Variants in KCNQ2 observed in about 807,000 individuals in gnomAD.
KCNQ2 encodes potassium voltage-gated channel subfamily KQT member 2.
KCNQ2 carries 14 observed loss-of-function variants against 84.8 expected under a neutral mutation model. The ratio of observed to expected loss-of-function variants is 0.17; its 90% CI spans 0.11 to 0.26. The LOEUF (loss-of-function observed/expected upper bound fraction) is 0.26, where lower values mean the gene tolerates loss of function less well. KCNQ2 is among the 10% of genes least tolerant of loss of function. The probability of loss-of-function intolerance (pLI) is 1.00; values close to 1 mark genes in which losing one functional copy is unlikely to be tolerated. For synonymous variants in KCNQ2, 599 were observed against 554.1 expected (o/e 1.08, Z -1.14); for missense variants, 788 against 1,254.0 (o/e 0.63, Z 5.61).
At position 63,444,849 on chromosome 20, in the gene KCNQ2, T is replaced by C. The variant is rs778229459; in HGVS notation, c.515-15A>G. 32 of 1,576,014 alleles carry C rather than the reference T, an allele frequency of 2.0e-5. No homozygotes were observed. The highest frequency in any genetic ancestry group is 2.7e-5 in the Non-Finnish European group (31 of 1,156,108). On this transcript the variant is annotated splice_polypyrimidine_tract_variant and intron_variant, in intron 3 of 16. Transcript: ENST00000359125. ...CACCATGATGTCTACAAAGCGGGCG[T>C]GGAGCTGGTGAGCTGCTGGGCCGCT...
At chr20:63,417,990 G>A (rs1601585536) in intron 12 of KCNQ2, among the ~76,000 whole-genome samples, 3 of 152,152 alleles carry the variant, frequency 2.0e-5, no homozygotes, top group African/African-American at 4.8e-5. Context: ...TCAGATCTGC[G>A]AGGGAGGCTC....
In KCNQ2 at chr20:63,419,614, G is replaced by A. The variant is rs200872349; in HGVS notation, c.1301+5C>T. 2.4e-5 allele frequency: 38 copies of A among 1,609,060 alleles called. No individual in the cohort carries two copies. The highest frequency in any genetic ancestry group is 2.2e-4 in the East Asian group (10 of 44,678). ...CGTCAGTCCGTGCGGCGTGTTCCGC[G>A]GTACCTAGAGCGTCCGGGGCAGCAT... On this transcript the variant is annotated splice_donor_5th_base_variant and intron_variant, in intron 12 of 16. Coordinates refer to ENST00000359125, the MANE Select transcript of KCNQ2 (RefSeq NM_172107.4).
rs2079802481 is a variant in KCNQ2, at chr20:63,401,229, C to T, written c.*5415G>A. Reference sequence around the variant, plus strand: ...CCCTCCATCCCAAATGGTCCCCTCCCGTCTCTCCTCCTCCACCGTTGCCCA... The same window carrying T: ...CCCTCCATCCCAAATGGTCCCCTCCTGTCTCTCCTCCTCCACCGTTGCCCA... On this transcript the variant is annotated 3_prime_UTR_variant, in exon 17 of 17. Coordinates refer to ENST00000359125, the MANE Select transcript of KCNQ2 (RefSeq NM_172107.4). 9.9e-6 allele frequency: 2 copies of T among 201,684 alleles called. No individual in the cohort carries two copies. The highest frequency in any genetic ancestry group is 1.9e-4 in the South Asian group (1 of 5,232). The allele number at this position is 201,684 out of a possible 1,614,324, so 12.5% of individuals were successfully genotyped here. A position where few individuals can be genotyped will look rare whatever the true frequency, so the allele number is the denominator to read the frequency against.
At chr20:63,461,773 T>TGCACCC in intron 1 of KCNQ2, among the ~76,000 whole-genome samples, 2 of 121,054 alleles carry the variant, frequency 1.7e-5, no homozygotes, top group South Asian at 7.0e-4. Flanking sequence ...AGGCTGCACC[T>TGCACCC]ACCCCAGGGA....
At chr20:63,418,124 C>T (rs1459074763) in intron 12 of KCNQ2, among the ~76,000 whole-genome samples, 1 of 152,242 alleles carries the variant, frequency 6.6e-6, no homozygotes, top group Non-Finnish European at 1.5e-5. Flanking sequence ...ACACCCGACC[C>T]CGCCAGCCTG....
In KCNQ2 at chr20:63,401,802, C is replaced by G; in HGVS notation, c.*4842G>C. 5.0e-6 allele frequency: 1 copy of G among 201,448 alleles called. No homozygotes were observed. Among genetic ancestry groups the G allele is most frequent in the Non-Finnish European group, 1.0e-5 (1 of 97,626 alleles). 12.5% of individuals were successfully genotyped at this position (201,448 alleles called of 1,614,324 possible). A position where few individuals can be genotyped will look rare whatever the true frequency, so the allele number is the denominator to read the frequency against. On this transcript the variant is annotated 3_prime_UTR_variant, in exon 17 of 17. Transcript: ENST00000359125. ...GGCACCCTCCACAGCAGGTCCAAGCCTCGTGAGCTGTCCCTCTCACACCAC... is the reference window on the plus strand; with the variant it reads ...GGCACCCTCCACAGCAGGTCCAAGCGTCGTGAGCTGTCCCTCTCACACCAC...
chr20:63,414,829 GGTGGCCACAGTAGC>G lies in KCNQ2; in HGVS notation c.1525+60_1525+73del, dbSNP rs2080233565. On this transcript the variant is annotated intron_variant, in intron 13 of 16. Transcript: ENST00000359125. The surrounding 1 kb of genome is among the most constrained non-coding windows in gnomAD (Gnocchi z 6.6). The stretch of plus-strand genomic sequence containing the variant: ...AGCAAAAGCAGCTGCGACGCCACAG[GGTGGCCACAGTAGC>G]GTGGCCACCACATCCATCCCCGGAG... The G allele has an allele frequency of 6.9e-7, 1 of 1,443,884 alleles. No individual in the cohort carries two copies. The highest frequency in any genetic ancestry group is 1.4e-5 in the African/African-American group (1 of 71,478). 89.4% of individuals were successfully genotyped at this position (1,443,884 alleles called of 1,614,324 possible).
At position 63,402,173 on chromosome 20, in the gene KCNQ2, A is replaced by G. The variant is rs1347400776; in HGVS notation, c.*4471T>C. 7.0e-6 allele frequency: 1 copy of G among 142,146 alleles called. No individual in the cohort carries two copies. Among genetic ancestry groups the G allele is most frequent in the Non-Finnish European group, 1.5e-5 (1 of 68,282 alleles). 8.8% of individuals were successfully genotyped at this position (142,146 alleles called of 1,614,324 possible). A position where few individuals can be genotyped will look rare whatever the true frequency, so the allele number is the denominator to read the frequency against. Reference sequence around the variant, plus strand: ...TCTCGTGAGCCGTTCCTCTCACACCACGTCTGCTGGGCACCCTCCACAGCA... The same window carrying G: ...TCTCGTGAGCCGTTCCTCTCACACCGCGTCTGCTGGGCACCCTCCACAGCA... On this transcript the variant is annotated 3_prime_UTR_variant, in exon 17 of 17. Transcript: ENST00000359125.
chr20:63,434,023 G>A, intron 7 of KCNQ2, 120 bp from the exon 8 acceptor site: 1 of 793,938 alleles, frequency 1.3e-6, no homozygotes, highest in South Asian at 1.6e-5. Context: ...AGGCACTCAG[G>A]ACTCTGGGCC....
rs1012655445 is a variant in KCNQ2 at position 63,406,397 on chromosome 20, C to T, written c.*247G>A. Reference sequence around the variant, plus strand: ...GAGCAGAGTGGACAGGGCAGCCTTGCTCCTGCACGCTGCTCCTGGAGCCAC... The same window carrying T: ...GAGCAGAGTGGACAGGGCAGCCTTGTTCCTGCACGCTGCTCCTGGAGCCAC... On this transcript the variant is annotated 3_prime_UTR_variant, in exon 17 of 17. Coordinates refer to ENST00000359125, the MANE Select transcript of KCNQ2 (RefSeq NM_172107.4). 1.8e-6 allele frequency: 1 copy of T among 555,946 alleles called. No individual in the cohort carries two copies. Among genetic ancestry groups the T allele is most frequent in the Admixed American group, 3.1e-5 (1 of 31,772 alleles). The allele number at this position is 555,946 out of a possible 1,614,324, so 34.4% of individuals were successfully genotyped here.
rs938765994 is a variant in KCNQ2, at chr20:63,433,375, C to G, written c.1118+434G>C. ...GATCCGGGGTTACTTTCCTGCCCCC[C>G]ACGCCGGAGCCCTAGGTCCTTGATG... On this transcript the variant is annotated intron_variant, in intron 8 of 16. Coordinates refer to ENST00000359125, the MANE Select transcript of KCNQ2 (RefSeq NM_172107.4). 4 of 279,996 alleles carry G rather than the reference C, an allele frequency of 1.4e-5. No homozygotes were observed. The South Asian group carries it at 1.6e-4, about 11-fold the overall frequency. The allele number at this position is 279,996 out of a possible 1,614,324, so 17.3% of individuals were successfully genotyped here.
intron 10 of KCNQ2, among the ~76,000 whole-genome samples, chr20:63,426,361 C>T (rs1264268512): frequency 6.6e-6 from 1 of 152,216 alleles, no homozygotes; most frequent in Admixed American, 6.5e-5. Context: ...GGCTGTCTGG[C>T]CACACCTGTG....
intron 1 of KCNQ2, among the ~76,000 whole-genome samples, chr20:63,458,796 C>T (rs1407680483): frequency 3.3e-5 from 5 of 152,222 alleles, no homozygotes; most frequent in African/African-American, 1.2e-4. Context: ...CCCAGGCTGG[C>T]AGCTAGGCCT....
rs769610871 is a variant in KCNQ2 at position 63,414,862 on chromosome 20, C to T, written c.1525+41G>A. 1.6e-5 allele frequency: 26 copies of T among 1,596,808 alleles called. No homozygotes were observed. The South Asian group carries it at 2.8e-4, about 17-fold the overall frequency. Reference sequence around the variant, plus strand: ...CAGTAGCGTGGCCACCACATCCATCCCCGGAGAGGATGGACCAGGAGAGGA... The same window carrying T: ...CAGTAGCGTGGCCACCACATCCATCTCCGGAGAGGATGGACCAGGAGAGGA... On this transcript the variant is annotated intron_variant, in intron 13 of 16. Coordinates refer to ENST00000359125, the MANE Select transcript of KCNQ2 (RefSeq NM_172107.4). The surrounding 1 kb of genome is among the most constrained non-coding windows in gnomAD (Gnocchi z 6.6).
intron 15 of KCNQ2, 200 bp downstream of exon 15, chr20:63,413,250 T>G: frequency 2.0e-5 from 12 of 613,426 alleles, no homozygotes; most frequent in East Asian, 2.9e-5. Flanking sequence ...GCGGTGTGGA[T>G]GGGGGAGAGA....
intron 1 of KCNQ2, among the ~76,000 whole-genome samples, chr20:63,462,870 CAT>C (rs1313430281): frequency 3.9e-5 from 6 of 152,124 alleles, no homozygotes; most frequent in Admixed American, 2.0e-4. Flanking sequence ...TGACTCCACA[CAT>C]GTGAAAAGAA....
intron 7 of KCNQ2, among the ~76,000 whole-genome samples, 158 bp from the exon 8 acceptor site, chr20:63,434,061 GC>G (rs952149716): frequency 6.6e-6 from 1 of 152,254 alleles, no homozygotes; most frequent in Non-Finnish European, 1.5e-5. Flanking sequence ...TGCTGCATCA[GC>G]CCCACAGCCT....
intron 1 of KCNQ2, among the ~76,000 whole-genome samples, chr20:63,450,175 C>G (rs1433364380): frequency 1.3e-5 from 2 of 151,478 alleles, no homozygotes; most frequent in East Asian, 1.9e-4. Context: ...ACTCCTCCCC[C>G]ACCCCTCCCT....
chr20:63,406,380 T>C lies in KCNQ2; in HGVS notation c.*264A>G. On this transcript the variant is annotated 3_prime_UTR_variant, in exon 17 of 17. Coordinates refer to ENST00000359125, the MANE Select transcript of KCNQ2 (RefSeq NM_172107.4). ...ATGTCGGCCGCGGCCCTGAGCAGAG[T>C]GGACAGGGCAGCCTTGCTCCTGCAC... 2.0e-6 allele frequency: 1 copy of C among 493,554 alleles called. No homozygotes were observed. Among genetic ancestry groups the C allele is most frequent in the Non-Finnish European group, 3.6e-6 (1 of 275,702 alleles). 30.6% of individuals were successfully genotyped at this position (493,554 alleles called of 1,614,324 possible).
Sources: gnomAD v4.1 joint callset for allele counts (sites outside exome capture counted in the v4.1 genomes callset) on GRCh38, gnomAD v4.1.1 for gene constraint, Gnocchi (gnomAD v3.1) non-coding constraint, MANE v1.5 for transcripts, NCBI Gene and HGNC (gene_info 2026-07-23, HGNC 2026-07-21) for gene names.